Variants in PLCB4 observed in about 807,000 individuals in gnomAD.
The protein encoded by PLCB4 is 1-phosphatidylinositol 4,5-bisphosphate phosphodiesterase beta-4.
A neutral mutation model predicts 178.8 loss-of-function variants in PLCB4; 77 were observed. The observed-to-expected ratio is 0.43, with a 90% CI of 0.36 to 0.52. The LOEUF (loss-of-function observed/expected upper bound fraction) is 0.52, where lower values mean the gene tolerates loss of function less well. Ranked by LOEUF, PLCB4 falls within the 20% of genes least tolerant of loss-of-function variation. The pLI is 0.00. For missense variants in PLCB4, 1,024 were observed against 1,453.4 expected (o/e 0.70, Z 4.80); for synonymous variants, 496 against 490.8 (o/e 1.01, Z -0.14).
At chr20:9,119,755 C>T (rs1020490390) in intron 2 of PLCB4, among the ~76,000 whole-genome samples, 1 of 152,190 alleles carries the variant, frequency 6.6e-6, no homozygotes, top group South Asian at 2.1e-4. Flanking sequence ...CAACCATCTG[C>T]TAGTGTTTAC....
chr20:9,307,520 C>CAG (rs2094784539), intron 3 of PLCB4, among the ~76,000 whole-genome samples: 1 of 150,878 alleles, frequency 6.6e-6, no homozygotes, highest in Non-Finnish European at 1.5e-5. Flanking sequence ...CACACACACA[C>CAG]ACACACACAC....
intron 3 of PLCB4, among the ~76,000 whole-genome samples, chr20:9,292,168 C>T (rs1051375749): frequency 6.6e-6 from 1 of 152,192 alleles, no homozygotes; most frequent in Admixed American, 6.5e-5. Flanking sequence ...TTACTCCATA[C>T]TCACGCCGGA....
At chr20:9,226,551 T>C (rs144949888) in intron 3 of PLCB4, among the ~76,000 whole-genome samples, 1 of 152,328 alleles carries the variant, frequency 6.6e-6, no homozygotes, top group East Asian at 1.9e-4. Context: ...TATTACCTTT[T>C]TCATTGGTTT....
Position 9,433,657 on chromosome 20 carries a change from A to G in PLCB4, c.2525-1903A>G, listed in dbSNP as rs144034919. Among the ~76,000 whole-genome samples, 1,406 of 152,332 alleles carry G rather than the reference A, an allele frequency of 9.2e-3. 30 individuals are homozygous for G. The highest frequency in any genetic ancestry group is 0.032 in the African/African-American group (1,332 of 41,570). On this transcript the variant is annotated intron_variant, in intron 28 of 39. Coordinates refer to ENST00000378473, the MANE Select transcript of PLCB4 (RefSeq NM_001377142.1). ...TATCATCATAAATATATGAGGGGTTATTGTACTGTTCTCTCCACTTTTGTG... is the reference window on the plus strand; with the variant it reads ...TATCATCATAAATATATGAGGGGTTGTTGTACTGTTCTCTCCACTTTTGTG...
At chr20:9,346,022 A>T (rs1286317291) in intron 7 of PLCB4, among the ~76,000 whole-genome samples, 2 of 152,188 alleles carry the variant, frequency 1.3e-5, no homozygotes, top group Non-Finnish European at 2.9e-5. Context: ...ACATCCTGCA[A>T]AGCCTCCAAG....
At chr20:9,466,165 A>G (rs550406687) in intron 35 of PLCB4, among the ~76,000 whole-genome samples, 1 of 152,358 alleles carries the variant, frequency 6.6e-6, no homozygotes, top group East Asian at 1.9e-4. Context: ...GACAAACCTG[A>G]CAAAAACAAA....
intron 4 of PLCB4, among the ~76,000 whole-genome samples, chr20:9,314,901 C>T (rs963393826): frequency 7.4e-5 from 11 of 148,876 alleles, no homozygotes; most frequent in Non-Finnish European, 1.5e-4. Context: ...GACGGAATTT[C>T]GTGCTTGTTA....
At chr20:9,442,462 G>A (rs1568845752) in intron 30 of PLCB4, among the ~76,000 whole-genome samples, 1 of 152,062 alleles carries the variant, frequency 6.6e-6, no homozygotes, top group Non-Finnish European at 1.5e-5. Context: ...AAACCAGGTA[G>A]TTGAGGGAAG....
intron 2 of PLCB4, among the ~76,000 whole-genome samples, chr20:9,203,040 T>TAAAAAAAAA (rs58109957): frequency 9.0e-6 from 1 of 111,532 alleles, no homozygotes; most frequent in African/African-American, 3.6e-5. Flanking sequence ...TTGTCTTTGG[T>TAAAAAAAAA]AAAAAAAAAA....
At chr20:9,363,999 CCT>C (rs1186946591) in intron 8 of PLCB4, among the ~76,000 whole-genome samples, 1 of 152,216 alleles carries the variant, frequency 6.6e-6, no homozygotes, top group African/African-American at 2.4e-5. Flanking sequence ...GCCTCACTGT[CCT>C]CATCTGTGAA....
At chr20:9,284,261 A>G (rs1297205607) in intron 3 of PLCB4, among the ~76,000 whole-genome samples, 1 of 151,946 alleles carries the variant, frequency 6.6e-6, no homozygotes, top group Non-Finnish European at 1.5e-5. Context: ...GCAGGCAGTG[A>G]GCCATGCCGA....
intron 2 of PLCB4, among the ~76,000 whole-genome samples, chr20:9,151,130 C>T (rs1381671284): frequency 6.6e-6 from 1 of 152,064 alleles, no homozygotes; most frequent in Non-Finnish European, 1.5e-5. Context: ...AACAATACAA[C>T]AATAAAAATA....
intron 7 of PLCB4, among the ~76,000 whole-genome samples, chr20:9,356,346 G>A (rs1454637997): frequency 5.9e-5 from 9 of 152,220 alleles, no homozygotes; most frequent in African/African-American, 2.2e-4. Flanking sequence ...CTCATAAGAG[G>A]AAACATGTTG....
chr20:9,204,192 A>G lies in PLCB4; in HGVS notation c.-78-13198A>G, dbSNP rs542486904. Among the ~76,000 whole-genome samples the G allele has an allele frequency of 1.5e-3, 224 of 152,256 alleles. 1 individual carries two copies. Among genetic ancestry groups the G allele is most frequent in the African/African-American group, 5.1e-3 (211 of 41,552 alleles). ...TAAAATCTTAGTCGTTGAGTCGTTG[A>G]GCCCAGTTTACATAGTTTCTGAAAC... On this transcript the variant is annotated intron_variant, in intron 2 of 39. Transcript: ENST00000378473.
intron 3 of PLCB4, among the ~76,000 whole-genome samples, chr20:9,278,265 G>C (rs974330309): frequency 6.6e-6 from 1 of 152,028 alleles, no homozygotes; most frequent in Non-Finnish European, 1.5e-5. Flanking sequence ...AATCAGGAAA[G>C]GGTTTGCCAT....
chr20:9,152,243 A>T (rs941790311), intron 2 of PLCB4, among the ~76,000 whole-genome samples: 1 of 152,230 alleles, frequency 6.6e-6, no homozygotes, highest in South Asian at 2.1e-4. Context: ...AGAAATTTGC[A>T]TAAGTAGCAA....
rs115152784 is a variant in PLCB4 at position 9,143,023 on chromosome 20, C to T, written c.-79+46681C>T. On this transcript the variant is annotated intron_variant, in intron 2 of 39. Transcript: ENST00000378473. ...GCATGGCTGCCCCAGGGCCTTTGCA[C>T]GTTCTCCCTCTGCCTGGAAACTTCT... Among the ~76,000 whole-genome samples, 608 of 152,278 alleles carry T rather than the reference C, an allele frequency of 4.0e-3. 4 individuals carry two copies. Among genetic ancestry groups the T allele is most frequent in the Middle Eastern group, 0.02 (6 of 294 alleles).
intron 2 of PLCB4, among the ~76,000 whole-genome samples, chr20:9,202,337 A>C (rs1215297930): frequency 6.6e-6 from 1 of 152,242 alleles, no homozygotes; most frequent in African/African-American, 2.4e-5. Flanking sequence ...AACTCACAGC[A>C]TTGCACATGA....
chr20:9,439,572 A>C (rs1405895557), intron 30 of PLCB4, among the ~76,000 whole-genome samples: 1 of 152,206 alleles, frequency 6.6e-6, no homozygotes, highest in East Asian at 1.9e-4. Context: ...GAACTGAAAA[A>C]CAGCAGTATA....
Sources: allele counts gnomAD v4.1 joint callset (sites outside exome capture counted in the v4.1 genomes callset), GRCh38; gene constraint gnomAD v4.1.1; transcripts MANE v1.5; gene names NCBI Gene and HGNC (gene_info 2026-07-23, HGNC 2026-07-21).